NRXN3: variants seen among roughly 807,000 people sequenced by gnomAD.
NRXN3 encodes the protein neurexin III.
Under a neutral mutation model 137.6 loss-of-function variants are expected in NRXN3, and 32 were observed. The observed-to-expected ratio is 0.23, with a 90% CI of 0.18 to 0.31. The LOEUF is 0.31. NRXN3 is among the 10% of genes least tolerant of loss of function. NRXN3 has a pLI of 1.00. For synonymous variants in NRXN3, 798 were observed against 784.5 expected (o/e 1.02, Z -0.29); for missense variants, 1,574 against 2,062.5 (o/e 0.76, Z 4.59).
At chr14:78,645,817 G>C (rs1445554251) in intron 5 of NRXN3, among the ~76,000 whole-genome samples, 1 of 152,002 alleles carries the variant, frequency 6.6e-6, no homozygotes, top group African/African-American at 2.4e-5. Context: ...CTCATTCTTT[G>C]AATATATGTT....
intron 16 of NRXN3, among the ~76,000 whole-genome samples, chr14:79,549,751 C>T (rs1235799277): frequency 1.3e-5 from 2 of 152,198 alleles, no homozygotes; most frequent in East Asian, 1.9e-4. Context: ...TCATTACTAA[C>T]AAAAGTGGTA....
Position 78,231,119 on chromosome 14 carries a change from A to G in NRXN3, c.-703-11272A>G, listed in dbSNP as rs1317797909. Among the ~76,000 whole-genome samples the G allele has an allele frequency of 3.9e-5, 6 of 152,182 alleles. No individual in the cohort carries two copies. In the East Asian group the frequency reaches 9.6e-4, roughly 24 times the overall value. On this transcript the variant is annotated intron_variant, in intron 1 of 20. Coordinates refer to ENST00000335750, the MANE Select transcript of NRXN3 (RefSeq NM_001330195.2). ...AGGAAACCCTGGGGAGCCTGAAGGT[A>G]GAGGAGGAGAGATGGTAGATTGGGT...
At chr14:79,201,831 C>T (rs1307606752) in intron 15 of NRXN3, among the ~76,000 whole-genome samples, 1 of 152,228 alleles carries the variant, frequency 6.6e-6, no homozygotes, top group East Asian at 1.9e-4. Context: ...AGGCACTGTT[C>T]AAGCACTTTC....
At chr14:79,597,480 G>T (rs2097870337) in intron 16 of NRXN3, among the ~76,000 whole-genome samples, 1 of 152,176 alleles carries the variant, frequency 6.6e-6, no homozygotes, top group African/African-American at 2.4e-5. Flanking sequence ...TTGCTTTTTA[G>T]TATGCGAGTA....
rs1445757811 is a variant in NRXN3 at position 79,090,357 on chromosome 14, GAGA to G, written c.3262+102223_3262+102225del. The stretch of plus-strand genomic sequence containing the variant: ...TTGGAAATTCTTCCTTTCCCTTTTA[GAGA>G]AGAAGATATTATCCTGGCTATCATA... On this transcript the variant is annotated intron_variant, in intron 15 of 20. Coordinates refer to ENST00000335750, the MANE Select transcript of NRXN3 (RefSeq NM_001330195.2). 3.9e-5 allele frequency among the ~76,000 whole-genome samples: 6 copies of G among 152,174 alleles called. No individual in the cohort carries two copies. In the South Asian group the frequency reaches 1.0e-3, roughly 26 times the overall value.
intron 4 of NRXN3, among the ~76,000 whole-genome samples, chr14:78,446,200 G>A (rs908091203): frequency 7.2e-5 from 11 of 152,080 alleles, no homozygotes; most frequent in African/African-American, 2.4e-4. Context: ...AGTTTTGTTC[G>A]CTTTAGATTT....
chr14:79,224,621 C>T (rs2153234274), intron 15 of NRXN3, among the ~76,000 whole-genome samples: 2 of 152,188 alleles, frequency 1.3e-5, no homozygotes, highest in Middle Eastern at 6.8e-3. Flanking sequence ...AATTCATGTC[C>T]TTCCTGGAAC....
chr14:79,845,037 A>G (rs2099364119), intron 20 of NRXN3, among the ~76,000 whole-genome samples: 1 of 152,140 alleles, frequency 6.6e-6, no homozygotes, highest in South Asian at 2.1e-4. Flanking sequence ...CTTTTATATT[A>G]TGAAGATGGC....
intron 15 of NRXN3, among the ~76,000 whole-genome samples, chr14:79,038,100 A>T (rs1242331972): frequency 6.6e-6 from 1 of 152,130 alleles, no homozygotes; most frequent in Non-Finnish European, 1.5e-5. Flanking sequence ...ATGTCAATAA[A>T]TACCACCATG....
chr14:79,203,302 C>A (rs1038323330), intron 15 of NRXN3, among the ~76,000 whole-genome samples: 1 of 151,960 alleles, frequency 6.6e-6, no homozygotes, highest in Non-Finnish European at 1.5e-5. Flanking sequence ...CTTGCCTATT[C>A]AAAAAAGGAT....
In NRXN3 at chr14:79,322,995, G is replaced by A. The variant is rs112810185; in HGVS notation, c.3263-144226G>A. Among the ~76,000 whole-genome samples the A allele has an allele frequency of 8.3e-3, 1,268 of 152,244 alleles. 14 individuals carry two copies. The highest frequency in any genetic ancestry group is 0.029 in the African/African-American group (1,198 of 41,552). ...TGTAGTGACGGCAGGGGATGGATGA[G>A]GGCTATAACATCTGTTGCAATACAT... On this transcript the variant is annotated intron_variant, in intron 15 of 20. Coordinates refer to ENST00000335750, the MANE Select transcript of NRXN3 (RefSeq NM_001330195.2).
intron 19 of NRXN3, among the ~76,000 whole-genome samples, chr14:79,738,066 G>A (rs2098948294): frequency 6.6e-6 from 1 of 152,094 alleles, no homozygotes; most frequent in South Asian, 2.1e-4. Flanking sequence ...CCACCAGGGG[G>A]ATCTAGCTGG....
At chr14:79,073,909 G>T (rs1016578107) in intron 15 of NRXN3, among the ~76,000 whole-genome samples, 24 of 152,108 alleles carry the variant, frequency 1.6e-4, no homozygotes, top group African/African-American at 5.8e-4. Flanking sequence ...TAACCTCTCT[G>T]TGCCTAGTAA....
At chr14:79,387,190 T>C (rs930996032) in intron 15 of NRXN3, among the ~76,000 whole-genome samples, 116 of 152,188 alleles carry the variant, frequency 7.6e-4, no homozygotes, top group African/African-American at 2.6e-3. Context: ...AGAAAATTTT[T>C]GCAATCTACT....
chr14:79,692,111 TG>T (rs1422004779), intron 17 of NRXN3, 61 bp from the exon 18 acceptor site: 23 of 1,261,168 alleles, frequency 1.8e-5, no homozygotes, highest in Non-Finnish European at 2.4e-5. Flanking sequence ...AAACCTAGGA[TG>T]TTTTTTAATG....
intron 19 of NRXN3, among the ~76,000 whole-genome samples, chr14:79,780,386 G>A (rs1252421065): frequency 1.3e-5 from 2 of 151,878 alleles, no homozygotes; most frequent in Non-Finnish European, 2.9e-5. Context: ...AGATCACAAG[G>A]TCAGGAGATC....
chr14:79,476,427 C>G (rs138835952), intron 16 of NRXN3, among the ~76,000 whole-genome samples: 66 of 152,044 alleles, frequency 4.3e-4, no homozygotes, highest in Non-Finnish European at 5.9e-5. Flanking sequence ...CCTGTTGATA[C>G]GACCAAGCTA....
At chr14:78,174,996 G>T (rs2059128355) in intron 1 of NRXN3, among the ~76,000 whole-genome samples, 2 of 152,120 alleles carry the variant, frequency 1.3e-5, no homozygotes, top group South Asian at 4.2e-4. Flanking sequence ...CACCTCTTGG[G>T]CGGCTCGGCC....
chr14:78,719,348 G>A (rs1461956412), intron 8 of NRXN3, among the ~76,000 whole-genome samples: 2 of 152,194 alleles, frequency 1.3e-5, no homozygotes, highest in Non-Finnish European at 2.9e-5. Flanking sequence ...GGAAAGGCAT[G>A]CAGGCAGCAG....
Sources: allele counts gnomAD v4.1 joint callset (sites outside exome capture counted in the v4.1 genomes callset), GRCh38; gene constraint gnomAD v4.1.1; transcripts MANE v1.5; gene names NCBI Gene and HGNC (gene_info 2026-07-23, HGNC 2026-07-21).